Variants in DYNC1I1 observed in about 807,000 individuals in gnomAD.
The protein encoded by DYNC1I1 is cytoplasmic dynein 1 intermediate chain 1.
Under a neutral mutation model 86.6 loss-of-function variants are expected in DYNC1I1, and 43 were observed. That is an observed-to-expected ratio of 0.50 (90% CI 0.39 to 0.64). The LOEUF (loss-of-function observed/expected upper bound fraction) is 0.64. Ranked by LOEUF, DYNC1I1 falls within the 30% of genes least tolerant of loss-of-function variation. The pLI is 0.00. For missense variants in DYNC1I1, 604 were observed against 788.8 expected, an observed-to-expected ratio of 0.77 and a Z score of 2.81; for synonymous variants, 262 against 283.7, an observed-to-expected ratio of 0.92 and a Z score of 0.77.
chr7:95,908,764 AG>A (rs1341570183), intron 6 of DYNC1I1, among the ~76,000 whole-genome samples: 1 of 152,064 alleles, frequency 6.6e-6, no homozygotes, highest in African/African-American at 2.4e-5. Context: ...ATACATGGAG[AG>A]CAGAGTGCTC....
At chr7:95,880,606 C>A (rs1790428486) in intron 6 of DYNC1I1, among the ~76,000 whole-genome samples, 1 of 150,366 alleles carries the variant, frequency 6.7e-6, no homozygotes, top group Non-Finnish European at 1.5e-5. Flanking sequence ...ATTAGTAGAT[C>A]CATTTGGCTT....
chr7:96,067,445 C>CTTT (rs555422571), intron 14 of DYNC1I1, among the ~76,000 whole-genome samples: 117 of 138,744 alleles, frequency 8.4e-4, no homozygotes, highest in African/African-American at 2.7e-3. Flanking sequence ...TCTTTCTTTC[C>CTTT]TTTTTTTTTT....
At chr7:95,956,760 A>G (rs915506537) in intron 6 of DYNC1I1, among the ~76,000 whole-genome samples, 2 of 152,174 alleles carry the variant, frequency 1.3e-5, no homozygotes, top group Admixed American at 1.3e-4. Flanking sequence ...TATGTGCCAC[A>G]ATTCCTTTAT....
At chr7:96,029,163 G>A (rs1439044607) in intron 11 of DYNC1I1, among the ~76,000 whole-genome samples, 2 of 151,966 alleles carry the variant, frequency 1.3e-5, no homozygotes. Flanking sequence ...GTTTAGCTAA[G>A]TCCATGAGGA....
chr7:95,878,979 G>A (rs947540944), intron 6 of DYNC1I1, among the ~76,000 whole-genome samples: 6 of 144,574 alleles, frequency 4.2e-5, no homozygotes, highest in African/African-American at 1.5e-4. Flanking sequence ...TATCAATCAA[G>A]AATCACTACC....
chr7:96,012,820 C>G (rs953554288), intron 10 of DYNC1I1, among the ~76,000 whole-genome samples: 1 of 152,058 alleles, frequency 6.6e-6, no homozygotes, highest in Non-Finnish European at 1.5e-5. Context: ...ATACCAGGAA[C>G]CTGTGAATGT....
intron 6 of DYNC1I1, among the ~76,000 whole-genome samples, chr7:95,971,007 G>C (rs1793155003): frequency 6.6e-6 from 1 of 152,166 alleles, no homozygotes; most frequent in Admixed American, 6.5e-5. Flanking sequence ...GTCCCTGATG[G>C]AAAAGGGGAA....
downstream of DYNC1I1, among the ~76,000 whole-genome samples, chr7:96,101,620 T>G (rs920430139): frequency 6.6e-6 from 1 of 152,294 alleles, no homozygotes; most frequent in East Asian, 1.9e-4. Flanking sequence ...AACAAGGTAA[T>G]GTAATGGAGT....
At chr7:96,059,992 C>T (rs1206152111) in intron 14 of DYNC1I1, among the ~76,000 whole-genome samples, 1 of 152,162 alleles carries the variant, frequency 6.6e-6, no homozygotes, top group Non-Finnish European at 1.5e-5. Context: ...TATATTTGAG[C>T]TATAGCTTAT....
At chr7:95,815,032 T>C (rs1794916865) in intron 4 of DYNC1I1, among the ~76,000 whole-genome samples, 2 of 152,104 alleles carry the variant, frequency 1.3e-5, no homozygotes. Context: ...TATTTGACCA[T>C]TTCTGTACCA....
intron 4 of DYNC1I1, among the ~76,000 whole-genome samples, chr7:95,819,289 G>C (rs1277054779): frequency 1.3e-5 from 2 of 152,122 alleles, no homozygotes; most frequent in Non-Finnish European, 2.9e-5. Context: ...GTTAAATTTA[G>C]ATACTTGTTT....
intron 6 of DYNC1I1, among the ~76,000 whole-genome samples, chr7:95,965,534 G>A (rs778878811): frequency 3.3e-5 from 5 of 152,128 alleles, no homozygotes; most frequent in Non-Finnish European, 5.9e-5. Context: ...TCCAAGGAGA[G>A]TAATTCTGTT....
At chr7:96,025,084 T>C (rs989573533) in intron 10 of DYNC1I1, among the ~76,000 whole-genome samples, 2 of 152,132 alleles carry the variant, frequency 1.3e-5, no homozygotes, top group Admixed American at 1.3e-4. Context: ...AACTTTTGGA[T>C]GAAAAATAAA....
intron 6 of DYNC1I1, among the ~76,000 whole-genome samples, chr7:95,931,250 A>G (rs1791887721): frequency 6.6e-6 from 1 of 151,908 alleles, no homozygotes; most frequent in African/African-American, 2.4e-5. Context: ...TCCCAGTTCA[A>G]GCAATTCTGG....
chr7:95,837,540 G>C (rs1789138308), intron 5 of DYNC1I1: 1 of 154,020 alleles, frequency 6.5e-6, no homozygotes, highest in South Asian at 2.0e-4. Context: ...AGCAAGCCTG[G>C]GCAATGGCGG....
intron 2 of DYNC1I1, among the ~76,000 whole-genome samples, chr7:95,809,284 A>G (rs1794773585): frequency 1.3e-5 from 2 of 152,182 alleles, no homozygotes; most frequent in Admixed American, 1.3e-4. Context: ...CTTTCTGCTT[A>G]TAGATACTAC....
chr7:95,806,706 G>T (rs1281491033), intron 2 of DYNC1I1, among the ~76,000 whole-genome samples: 2 of 152,168 alleles, frequency 1.3e-5, no homozygotes, highest in African/African-American at 2.4e-5. Context: ...ATCTGAAGCA[G>T]GGTCAGATTT....
At chr7:95,799,816 T>C (rs1358405749) in intron 1 of DYNC1I1, among the ~76,000 whole-genome samples, 2 of 151,986 alleles carry the variant, frequency 1.3e-5, no homozygotes, top group African/African-American at 2.4e-5. Flanking sequence ...ATGTCTTTCA[T>C]GTAATTCTCA....
chr7:96,065,471 G>A (rs1167092321), intron 14 of DYNC1I1, among the ~76,000 whole-genome samples: 1 of 148,526 alleles, frequency 6.7e-6, no homozygotes, highest in Non-Finnish European at 1.5e-5. Flanking sequence ...TCTATCTCCA[G>A]GATTCAATTG....
Sources: allele counts gnomAD v4.1 joint callset (sites outside exome capture counted in the v4.1 genomes callset), GRCh38; gene constraint gnomAD v4.1.1; transcripts MANE v1.5; gene names NCBI Gene and HGNC (gene_info 2026-07-23, HGNC 2026-07-21).